CDK14: variants seen among roughly 807,000 people sequenced by gnomAD.
CDK14 encodes the protein cyclin dependent kinase 14.
Under a neutral mutation model 60.7 loss-of-function variants are expected in CDK14, and 34 were observed. That is an observed-to-expected ratio of 0.56 (90% CI 0.43 to 0.75). The LOEUF (loss-of-function observed/expected upper bound fraction) is 0.75. CDK14 is among the 30% of genes least tolerant of loss of function. The probability of loss-of-function intolerance (pLI) is 0.00; values close to 1 mark genes in which losing one functional copy is unlikely to be tolerated. For missense variants in CDK14, 482 were observed against 564.1 expected (o/e 0.85, Z 1.47); for synonymous variants, 197 against 203.7 (o/e 0.97, Z 0.28).
chr7:90,642,344 G>A (rs1333806700), intron 2 of CDK14, among the ~76,000 whole-genome samples: 4 of 152,008 alleles, frequency 2.6e-5, no homozygotes, highest in Non-Finnish European at 5.9e-5. Context: ...AGTTTTAATG[G>A]TTGCATAATA....
At position 90,596,571 on chromosome 7, in the gene CDK14, T is replaced by G; in HGVS notation, c.-57T>G. The G allele has an allele frequency of 2.7e-6, 4 of 1,479,410 alleles. No individual in the cohort carries two copies. In the South Asian group the frequency reaches 4.6e-5, roughly 17 times the overall value. The allele number at this position is 1,479,410 out of a possible 1,614,324, so 91.6% of individuals were successfully genotyped here. On this transcript the variant is annotated 5_prime_UTR_variant, in exon 1 of 15. Transcript: ENST00000380050. The stretch of plus-strand genomic sequence containing the variant: ...TCCCCGCGGCGCGCGCCCTCGCCGT[T>G]GTCTGAGCTGTGCCTGGACCAGTTT...
At chr7:90,626,802 A>T (rs1799885226) in intron 2 of CDK14, among the ~76,000 whole-genome samples, 1 of 151,860 alleles carries the variant, frequency 6.6e-6, no homozygotes, top group Non-Finnish European at 1.5e-5. Flanking sequence ...GCCAGGTGTG[A>T]TGTGTGTCTG....
chr7:90,665,201 C>G (rs958714472), intron 2 of CDK14, among the ~76,000 whole-genome samples: 7 of 152,070 alleles, frequency 4.6e-5, no homozygotes, highest in Non-Finnish European at 8.8e-5. Context: ...AGGAGAATTG[C>G]TTGAACCCAG....
chr7:90,966,000 T>C (rs73227080), intron 9 of CDK14, among the ~76,000 whole-genome samples: 10,779 of 152,238 alleles, frequency 0.071, 466 homozygotes, highest in South Asian at 0.094. Context: ...CTTGGTAGTA[T>C]CTTTTTCTAT....
At chr7:91,187,102 C>T (rs1802214975) in intron 14 of CDK14, among the ~76,000 whole-genome samples, 1 of 152,174 alleles carries the variant, frequency 6.6e-6, no homozygotes, top group Non-Finnish European at 1.5e-5. Flanking sequence ...TGCTTTAATT[C>T]ATTTAAACAT....
intron 5 of CDK14, among the ~76,000 whole-genome samples, chr7:90,855,323 TATA>T (rs1325054935): frequency 6.6e-6 from 1 of 152,184 alleles, no homozygotes; most frequent in African/African-American, 2.4e-5. Flanking sequence ...TTACTGCAGT[TATA>T]ATGATTCATT....
intron 2 of CDK14, among the ~76,000 whole-genome samples, chr7:90,708,454 C>A (rs937574467): frequency 6.6e-6 from 1 of 152,090 alleles, no homozygotes; most frequent in Admixed American, 6.6e-5. Flanking sequence ...AGATAGCTTT[C>A]TCTTTTGACT....
chr7:90,988,643 G>A lies in CDK14; in HGVS notation c.1041+4402G>A, dbSNP rs1584203164. On this transcript the variant is annotated intron_variant, in intron 10 of 14. Transcript: ENST00000380050. ...AAAGAAGGGTACTTGTACAACCCTGGGAATATGTTTCTCTCTCACTTCAAA... is the reference window on the plus strand; with the variant it reads ...AAAGAAGGGTACTTGTACAACCCTGAGAATATGTTTCTCTCTCACTTCAAA... Among the ~76,000 whole-genome samples the A allele has an allele frequency of 2.0e-5, 3 of 152,106 alleles. No individual in the cohort carries two copies. In the East Asian group the frequency reaches 5.8e-4, roughly 29 times the overall value.
intron 11 of CDK14, among the ~76,000 whole-genome samples, chr7:91,054,207 G>A (rs986633386): frequency 1.4e-5 from 2 of 147,804 alleles, no homozygotes; most frequent in Admixed American, 7.0e-5. Flanking sequence ...ATGATTGATA[G>A]CAACTATAAT....
At position 90,616,837 on chromosome 7, in the gene CDK14, G is replaced by A. The variant is rs144019308; in HGVS notation, c.123+12588G>A. ...GGATGATGCACTTTGATGATCTTCA[G>A]CATTCCCTTTAGTTACCTTATTATA... On this transcript the variant is annotated intron_variant, in intron 2 of 14. Coordinates refer to ENST00000380050, the MANE Select transcript of CDK14 (RefSeq NM_001287135.2). Among the ~76,000 whole-genome samples the A allele has an allele frequency of 1.6e-3, 245 of 152,112 alleles. 1 individual carries two copies. The highest frequency in any genetic ancestry group is 5.6e-3 in the African/African-American group (233 of 41,480).
intron 9 of CDK14, among the ~76,000 whole-genome samples, chr7:90,963,658 AG>A (rs1440273519): frequency 2.0e-5 from 3 of 147,938 alleles, no homozygotes; most frequent in Non-Finnish European, 4.5e-5. Flanking sequence ...GTGCGTATTG[AG>A]GGAGGTGAAG....
Position 90,838,056 on chromosome 7 carries a change from G to A in CDK14, c.545-25119G>A, listed in dbSNP as rs557678418. ...TGCTGCAACGGGTATGACGGTGGTCGAGTGTTGCAGGAAGTCAGGGACCCC... is the reference window on the plus strand; with the variant it reads ...TGCTGCAACGGGTATGACGGTGGTCAAGTGTTGCAGGAAGTCAGGGACCCC... On this transcript the variant is annotated intron_variant, in intron 5 of 14. Transcript: ENST00000380050. Among the ~76,000 whole-genome samples, 6 of 152,264 alleles carry A rather than the reference G, an allele frequency of 3.9e-5. No individual in the cohort carries two copies. In the South Asian group the frequency reaches 1.0e-3, roughly 26 times the overall value.
chr7:90,795,700 C>T (rs914514330), intron 5 of CDK14, among the ~76,000 whole-genome samples: 1 of 151,940 alleles, frequency 6.6e-6, no homozygotes, highest in African/African-American at 2.4e-5. Context: ...ATACAGTAGA[C>T]CCTGAATATG....
At chr7:90,937,238 C>T (rs528185085) in intron 8 of CDK14, among the ~76,000 whole-genome samples, 2 of 152,266 alleles carry the variant, frequency 1.3e-5, no homozygotes, top group East Asian at 3.9e-4. Flanking sequence ...TGTCAGGAAT[C>T]ACATAGCTCA....
intron 2 of CDK14, among the ~76,000 whole-genome samples, chr7:90,657,506 C>T (rs2116493686): frequency 6.6e-6 from 1 of 152,244 alleles, no homozygotes; most frequent in African/African-American, 2.4e-5. Context: ...CAGAGATGTT[C>T]TAGATCTATA....
At chr7:91,201,271 A>G (rs1201514239) in intron 14 of CDK14, among the ~76,000 whole-genome samples, 1 of 152,106 alleles carries the variant, frequency 6.6e-6, no homozygotes, top group Non-Finnish European at 1.5e-5. Context: ...TTTCTGTCAA[A>G]TGTTAGTATT....
chr7:90,895,289 T>C, intron 6 of CDK14, among the ~76,000 whole-genome samples: 1 of 151,960 alleles, frequency 6.6e-6, no homozygotes, highest in Non-Finnish European at 1.5e-5. Flanking sequence ...ACAATTTTAG[T>C]TGTCACTTTT....
At chr7:91,127,027 G>A (rs1481950493) in intron 14 of CDK14, among the ~76,000 whole-genome samples, 1 of 152,034 alleles carries the variant, frequency 6.6e-6, no homozygotes, top group East Asian at 1.9e-4. Flanking sequence ...CGAGGCAGGG[G>A]GTGCCACCTG....
At chr7:90,888,500 G>A (rs1023831752) in intron 6 of CDK14, among the ~76,000 whole-genome samples, 2 of 152,090 alleles carry the variant, frequency 1.3e-5, no homozygotes, top group Non-Finnish European at 2.9e-5. Context: ...AGTTATTTCA[G>A]GATGGCTGTA....
Sources: gnomAD v4.1 joint callset for allele counts (sites outside exome capture counted in the v4.1 genomes callset) on GRCh38, gnomAD v4.1.1 for gene constraint, MANE v1.5 for transcripts, NCBI Gene and HGNC (gene_info 2026-07-23, HGNC 2026-07-21) for gene names.